The following MAMDC2 variants were observed in gnomAD, a reference collection of about 807,000 sequenced individuals.
The protein encoded by MAMDC2 is MAM domain-containing protein 2.
A neutral mutation model predicts 89.8 loss-of-function variants in MAMDC2; 57 were observed. The ratio of observed to expected loss-of-function variants is 0.63; its 90% CI spans 0.51 to 0.79. The LOEUF (loss-of-function observed/expected upper bound fraction) is 0.79. MAMDC2 is among the 30% of genes least tolerant of loss of function. The probability of loss-of-function intolerance (pLI) is 0.00; values close to 1 mark genes in which losing one functional copy is unlikely to be tolerated. For missense variants in MAMDC2, 800 were observed against 820.6 expected (o/e 0.97, Z 0.31); for synonymous variants, 313 against 293.4 (o/e 1.07, Z -0.68).
chr9:70,073,065 C>T (rs1229345989), intron 2 of MAMDC2, among the ~76,000 whole-genome samples: 1 of 152,202 alleles, frequency 6.6e-6, no homozygotes, highest in East Asian at 1.9e-4. Context: ...AAATTCCTGA[C>T]CTCAAGTGAT....
chr9:70,102,920 C>G (rs1348693616), intron 2 of MAMDC2, among the ~76,000 whole-genome samples: 1 of 152,212 alleles, frequency 6.6e-6, no homozygotes, highest in South Asian at 2.1e-4. Flanking sequence ...TCCCAATCCC[C>G]CTGTGATTTC....
intron 5 of MAMDC2, among the ~76,000 whole-genome samples, chr9:70,120,937 C>A (rs1017932542): frequency 1.3e-5 from 2 of 152,188 alleles, no homozygotes; most frequent in Non-Finnish European, 2.9e-5. Context: ...TGGCAGCAGA[C>A]CAGTGGGTAT....
Position 70,138,448 on chromosome 9 carries a change from G to A in MAMDC2, c.995-1697G>A, listed in dbSNP as rs571167226. ...AGTAATGGGATTGCTGGATCAAATG[G>A]CAGTTCTATTTTCATTTTTTTGAGA... On this transcript the variant is annotated intron_variant, in intron 7 of 13. Coordinates refer to ENST00000377182, the MANE Select transcript of MAMDC2 (RefSeq NM_153267.5). 1.2e-4 allele frequency among the ~76,000 whole-genome samples: 19 copies of A among 152,198 alleles called. 1 individual carries two copies. In the South Asian group the frequency reaches 3.7e-3, roughly 30 times the overall value.
chr9:70,211,872 T>C (rs928897813), intron 11 of MAMDC2, among the ~76,000 whole-genome samples: 4 of 152,236 alleles, frequency 2.6e-5, no homozygotes, highest in African/African-American at 7.2e-5. Context: ...TGCAGGTCTG[T>C]TGGAGTTTGC....
chr9:70,222,315 TA>T (rs1384857228), intron 12 of MAMDC2, among the ~76,000 whole-genome samples: 1 of 152,232 alleles, frequency 6.6e-6, no homozygotes, highest in Non-Finnish European at 1.5e-5. Flanking sequence ...TTAAGTTTTC[TA>T]TGTCTATTAG....
chr9:70,137,770 C>A (rs2031062064), intron 7 of MAMDC2, among the ~76,000 whole-genome samples: 1 of 152,144 alleles, frequency 6.6e-6, no homozygotes, highest in Non-Finnish European at 1.5e-5. Flanking sequence ...AGCATTCAGA[C>A]AAGAATCACA....
At chr9:70,061,503 TCTTC>T (rs1827150220) in intron 2 of MAMDC2, among the ~76,000 whole-genome samples, 1 of 152,188 alleles carries the variant, frequency 6.6e-6, no homozygotes, top group African/African-American at 2.4e-5. Context: ...CATCCATATC[TCTTC>T]CTTCTCTTCA....
intron 11 of MAMDC2, among the ~76,000 whole-genome samples, chr9:70,204,734 C>T (rs1385369127): frequency 6.6e-6 from 1 of 152,060 alleles, no homozygotes; most frequent in East Asian, 1.9e-4. Flanking sequence ...ACCCTCCGAG[C>T]CAGGTGTGGG....
At chr9:70,158,816 G>A (rs985043970) in intron 9 of MAMDC2, among the ~76,000 whole-genome samples, 1 of 149,942 alleles carries the variant, frequency 6.7e-6, no homozygotes, top group Non-Finnish European at 1.5e-5. Context: ...CAGATCCTGG[G>A]CTTTAAACCT....
At chr9:70,080,698 G>A (rs986791161) in intron 2 of MAMDC2, among the ~76,000 whole-genome samples, 1 of 152,112 alleles carries the variant, frequency 6.6e-6, no homozygotes, top group Non-Finnish European at 1.5e-5. Context: ...TTGAGTTAGC[G>A]GCCAACAGCT....
At chr9:70,090,955 T>C (rs986399161) in intron 2 of MAMDC2, among the ~76,000 whole-genome samples, 13 of 152,184 alleles carry the variant, frequency 8.5e-5, no homozygotes, top group Non-Finnish European at 2.9e-5. Context: ...GAGAAACAGA[T>C]AGATAATATA....
intron 2 of MAMDC2, chr9:70,092,171 C>T (rs1368482273): frequency 2.0e-5 from 3 of 152,056 alleles, no homozygotes; most frequent in Non-Finnish European, 2.9e-5. Flanking sequence ...TGGCTGGAGT[C>T]CAGCTGTGTT....
intron 2 of MAMDC2, among the ~76,000 whole-genome samples, chr9:70,081,057 A>G (rs1360383780): frequency 6.6e-6 from 1 of 152,146 alleles, no homozygotes; most frequent in Non-Finnish European, 1.5e-5. Flanking sequence ...AATGGTTTAC[A>G]TAGGGCTGAA....
At chr9:70,184,028 CTTTCCA>C (rs1325833839) in intron 11 of MAMDC2, among the ~76,000 whole-genome samples, 1 of 152,064 alleles carries the variant, frequency 6.6e-6, no homozygotes, top group Non-Finnish European at 1.5e-5. Flanking sequence ...CTGGTTTTTC[CTTTCCA>C]TATTTAGTGC....
At chr9:70,140,577 A>T (rs1439991302) in intron 8 of MAMDC2, among the ~76,000 whole-genome samples, 1 of 152,234 alleles carries the variant, frequency 6.6e-6, no homozygotes, top group African/African-American at 2.4e-5. Context: ...AATTGTATTT[A>T]TACGAAATCT....
intron 11 of MAMDC2, 193 bp downstream of exon 11, chr9:70,170,824 A>G: frequency 2.0e-6 from 1 of 494,644 alleles, no homozygotes; most frequent in Non-Finnish European, 3.5e-6. Flanking sequence ...TACATTGCTT[A>G]TGTACATTGC....
chr9:70,098,214 C>G (rs2997689), intron 2 of MAMDC2, among the ~76,000 whole-genome samples: 9,716 of 152,240 alleles, frequency 0.064, 974 homozygotes, highest in African/African-American at 0.21. Flanking sequence ...TCTGGACCAC[C>G]AGTGCTGCCC....
At chr9:70,217,118 G>A in intron 11 of MAMDC2, 1 of 553,444 alleles carries the variant, frequency 1.8e-6, no homozygotes, top group Non-Finnish European at 3.2e-6. Context: ...ATTAGAAAAG[G>A]AAATTGGAAA....
chr9:70,208,982 A>C (rs1166819029), intron 11 of MAMDC2, among the ~76,000 whole-genome samples: 3 of 152,030 alleles, frequency 2.0e-5, no homozygotes, highest in Admixed American at 6.6e-5. Context: ...GGATGAAGCC[A>C]ACTTGATCAT....
Sources: gnomAD v4.1 joint callset for allele counts (sites outside exome capture counted in the v4.1 genomes callset) on GRCh38, gnomAD v4.1.1 for gene constraint, MANE v1.5 for transcripts, NCBI Gene and HGNC (gene_info 2026-07-23, HGNC 2026-07-21) for gene names.